The following CA10 variants were observed in gnomAD, a reference collection of about 807,000 sequenced individuals.
The protein encoded by CA10 is carbonic anhydrase-related protein 10.
In CA10, 14 loss-of-function variants were observed where a neutral mutation model predicts 44.2. The ratio of observed to expected loss-of-function variants is 0.32; its 90% CI spans 0.21 to 0.50. The LOEUF (loss-of-function observed/expected upper bound fraction) is 0.50. Ranked by LOEUF, CA10 falls within the 20% of genes least tolerant of loss-of-function variation. The probability of loss-of-function intolerance (pLI) is 0.99; values close to 1 mark genes in which losing one functional copy is unlikely to be tolerated. For missense variants in CA10, 350 were observed against 409.7 expected (o/e 0.85, Z 1.26); for synonymous variants, 159 against 141.6 (o/e 1.12, Z -0.87).
At chr17:51,748,408 C>A (rs537889103) in intron 3 of CA10, 1 of 893,996 alleles carries the variant, frequency 1.1e-6, no homozygotes, top group African/African-American at 1.8e-5. Flanking sequence ...CTTCCAATTT[C>A]ATAGATTCCT....
At chr17:51,745,791 T>A (rs540587216) in intron 4 of CA10, among the ~76,000 whole-genome samples, 1 of 152,298 alleles carries the variant, frequency 6.6e-6, no homozygotes, top group East Asian at 1.9e-4. Context: ...GAAGCAGTGT[T>A]GTGATAGGTG....
intron 4 of CA10, among the ~76,000 whole-genome samples, chr17:51,693,425 T>C (rs1915287449): frequency 6.6e-6 from 1 of 152,168 alleles, no homozygotes; most frequent in African/African-American, 2.4e-5. Flanking sequence ...GTTTGGGGTA[T>C]GATTGTTCCC....
chr17:51,888,650 A>G (rs1567874233), intron 3 of CA10, among the ~76,000 whole-genome samples: 1 of 152,340 alleles, frequency 6.6e-6, no homozygotes, highest in East Asian at 1.9e-4. Context: ...AATCTCTGGT[A>G]GGATGGGAGA....
chr17:51,636,926 A>G (rs1167637802), intron 6 of CA10, among the ~76,000 whole-genome samples: 1 of 152,150 alleles, frequency 6.6e-6, no homozygotes, highest in Non-Finnish European at 1.5e-5. Context: ...TAAAAATGAC[A>G]TAAGTACATC....
intron 2 of CA10, among the ~76,000 whole-genome samples, chr17:52,070,818 C>T (rs1321119777): frequency 6.6e-6 from 1 of 151,902 alleles, no homozygotes; most frequent in African/African-American, 2.4e-5. Context: ...GGCAGACACA[C>T]AACATTTTGC....
At chr17:52,051,357 C>A (rs1024657494) in intron 2 of CA10, among the ~76,000 whole-genome samples, 1 of 151,624 alleles carries the variant, frequency 6.6e-6, no homozygotes, top group Non-Finnish European at 1.5e-5. Context: ...ACAGAGAAAC[C>A]AGACAACCTA....
intron 2 of CA10, among the ~76,000 whole-genome samples, chr17:52,040,988 C>T (rs1045584450): frequency 6.6e-6 from 1 of 151,926 alleles, no homozygotes; most frequent in African/African-American, 2.4e-5. Flanking sequence ...AGGGGCAATA[C>T]ACAGGTAAAT....
chr17:52,128,942 C>G (rs1352807931), intron 1 of CA10, among the ~76,000 whole-genome samples: 3 of 152,206 alleles, frequency 2.0e-5, no homozygotes, highest in African/African-American at 4.8e-5. Flanking sequence ...CTACCCATGA[C>G]TAAGGCAAAT....
At chr17:52,107,606 G>T (rs1209033783) in intron 1 of CA10, among the ~76,000 whole-genome samples, 1 of 152,136 alleles carries the variant, frequency 6.6e-6, no homozygotes, top group Non-Finnish European at 1.5e-5. Flanking sequence ...ATTTATTGCA[G>T]ATTCTTATAA....
intron 7 of CA10, 96 bp downstream of exon 7, chr17:51,635,759 G>A (rs912625141): frequency 1.1e-6 from 1 of 926,122 alleles, no homozygotes; most frequent in Non-Finnish European, 1.6e-6. Context: ...TGTTATAGTG[G>A]TCCTAGTAAA....
intron 3 of CA10, chr17:51,762,676 C>A (rs1905248766): frequency 6.6e-6 from 1 of 152,108 alleles, no homozygotes; most frequent in Admixed American, 6.5e-5. Flanking sequence ...CCACCAAAAT[C>A]TGTATGGTAG....
intron 3 of CA10, among the ~76,000 whole-genome samples, chr17:51,795,707 T>A (rs1906679417): frequency 6.6e-6 from 1 of 152,148 alleles, no homozygotes; most frequent in Admixed American, 6.5e-5. Context: ...TTCTCACAGA[T>A]CTGTCCAGTG....
chr17:51,893,752 G>A lies in CA10; in HGVS notation c.279+37238C>T, dbSNP rs1980957266. On this transcript the variant is annotated intron_variant, in intron 3 of 8. Coordinates refer to ENST00000451037, the MANE Select transcript of CA10 (RefSeq NM_020178.5). ...AATAACATAGCCCAGGCATAGATATGCTTGCCAAACAAGCAATTGACCCAG... is the reference window on the plus strand; with the variant it reads ...AATAACATAGCCCAGGCATAGATATACTTGCCAAACAAGCAATTGACCCAG... Among the ~76,000 whole-genome samples, 3 of 152,132 alleles carry A rather than the reference G, an allele frequency of 2.0e-5. No homozygotes were observed. In the South Asian group the frequency reaches 6.2e-4, roughly 32 times the overall value.
chr17:51,669,968 T>C (rs1914355338), intron 4 of CA10, among the ~76,000 whole-genome samples: 1 of 152,210 alleles, frequency 6.6e-6, no homozygotes, highest in Admixed American at 6.5e-5. Flanking sequence ...GTTTCCCCCA[T>C]ACTGTTCTCA....
intron 1 of CA10, among the ~76,000 whole-genome samples, chr17:52,101,297 CAT>C (rs1342979108): frequency 6.6e-6 from 1 of 152,074 alleles, no homozygotes. Context: ...TTTTTTTTCT[CAT>C]ATGAGATGGC....
intron 1 of CA10, among the ~76,000 whole-genome samples, chr17:52,102,626 A>T (rs1242713424): frequency 6.6e-6 from 1 of 152,172 alleles, no homozygotes; most frequent in African/African-American, 2.4e-5. Context: ...CAAACCAATC[A>T]GATATCTTCC....
chr17:52,053,784 T>C (rs1421208507), intron 2 of CA10, among the ~76,000 whole-genome samples: 3 of 152,124 alleles, frequency 2.0e-5, no homozygotes, highest in Admixed American at 6.6e-5. Flanking sequence ...CATTTATTAG[T>C]TCCCCAAATT....
intron 2 of CA10, among the ~76,000 whole-genome samples, chr17:52,063,574 G>T (rs182174873): frequency 6.6e-6 from 1 of 152,068 alleles, no homozygotes; most frequent in African/African-American, 2.4e-5. Context: ...TGCTCTATTG[G>T]TTCCTGTAAG....
intron 1 of CA10, among the ~76,000 whole-genome samples, chr17:52,092,468 G>A (rs187777446): frequency 1.3e-5 from 2 of 152,240 alleles, no homozygotes; most frequent in Non-Finnish European, 1.5e-5. Flanking sequence ...ATGAGTCCCC[G>A]TGGACCCCGG....
Sources: allele counts gnomAD v4.1 joint callset (sites outside exome capture counted in the v4.1 genomes callset), GRCh38; gene constraint gnomAD v4.1.1; transcripts MANE v1.5; gene names NCBI Gene and HGNC (gene_info 2026-07-23, HGNC 2026-07-21).